The following CENPF variants were observed in gnomAD, a reference collection of about 807,000 sequenced individuals.
CENPF encodes centromere protein F.
Under a neutral mutation model 307.3 loss-of-function variants are expected in CENPF, and 214 were observed. The ratio of observed to expected loss-of-function variants is 0.70; its 90% CI spans 0.62 to 0.78. The LOEUF is 0.78. CENPF is among the 30% of genes least tolerant of loss of function. The pLI, the probability that CENPF is intolerant of heterozygous loss-of-function variation, is 0.00. For missense variants in CENPF, 3,401 were observed against 3,483.9 expected (o/e 0.98, Z 0.60); for synonymous variants, 1,259 against 1,270.6 (o/e 0.99, Z 0.19).
chr1:214,624,021 A>G (rs1262837832), intron 7 of CENPF, among the ~76,000 whole-genome samples: 1 of 143,310 alleles, frequency 7.0e-6, no homozygotes, highest in Non-Finnish European at 1.6e-5. Context: ...TTTTAAGATA[A>G]TCGTAGATTC....
chr1:214,615,940 C>T (rs1240470251), intron 3 of CENPF, among the ~76,000 whole-genome samples: 1 of 151,966 alleles, frequency 6.6e-6, no homozygotes, highest in Non-Finnish European at 1.5e-5. Flanking sequence ...TTCTTCTTAT[C>T]TAGTAGACTA....
rs1237766080 is a variant in CENPF at position 214,616,834 on chromosome 1, CCTCTTTCT to C, written c.360-1738_360-1731del. Among the ~76,000 whole-genome samples the C allele has an allele frequency of 1.6e-3, 224 of 143,798 alleles. 4 individuals carry two copies. Among genetic ancestry groups the C allele is most frequent in the African/African-American group, 5.5e-3 (205 of 37,110 alleles). The allele number at this position is 143,798 out of a possible 152,430, so 94.3% of individuals were successfully genotyped here. ...TCCTTCCTTCCTTCTTTCCTTCCTT[CCTCTTTCT>C]TTCTTTCTTTCTTTCTTTCTTTCTT... is the stretch of plus-strand genomic sequence containing the variant. On this transcript the variant is annotated intron_variant, in intron 3 of 19. Transcript: ENST00000366955.
At chr1:214,620,991 A>G in intron 6 of CENPF, 45 bp downstream of exon 6, 1 of 1,527,872 alleles carries the variant, frequency 6.5e-7, no homozygotes. Context: ...TGCTTGAGGT[A>G]ATTTCACAGG....
chr1:214,647,546 T>G, intron 13 of CENPF, 146 bp downstream of exon 13: 1 of 906,978 alleles, frequency 1.1e-6, no homozygotes, highest in African/African-American at 1.7e-5. Context: ...GTTTACTGGG[T>G]CTTGAATTGC....
At chr1:214,652,720 G>A in intron 15 of CENPF, 108 bp from the exon 16 acceptor site, 2 of 924,774 alleles carry the variant, frequency 2.2e-6, no homozygotes, top group Non-Finnish European at 3.2e-6. Flanking sequence ...TGGGATTACA[G>A]GTGTGAAACA....
Position 214,646,458 on chromosome 1 carries a change from G to C in CENPF, c.6888G>C (p.Glu2296Asp). ...EQSLDPPIEEEHQLRNSIEKL... is the reference protein window; with the variant it reads ...EQSLDPPIEEDHQLRNSIEKL... The stretch of plus-strand genomic sequence containing the variant: ...GTCTAGACCCACCAATAGAGGAAGA[G>C]CATCAGCTGAGAAATAGCATTGAAA... Residue 2296 changes from glutamate to aspartate, a missense_variant, in exon 13 of 20, where the codon GAG becomes GAC. Transcript: ENST00000366955. 1 of 1,614,090 alleles carries C rather than the reference G, an allele frequency of 6.2e-7. No individual in the cohort carries two copies. The highest frequency in any genetic ancestry group is 8.5e-7 in the Non-Finnish European group (1 of 1,180,006).
At chr1:214,637,754 C>A in intron 10 of CENPF, 112 bp from the exon 11 acceptor site, 2 of 1,021,688 alleles carry the variant, frequency 2.0e-6, no homozygotes, top group Non-Finnish European at 2.8e-6. Context: ...AATTGTGATT[C>A]TTTCCCTAGT....
In CENPF at chr1:214,645,533, C is replaced by T. The variant is rs1201916773; in HGVS notation, c.5963C>T (p.Thr1988Ile). ...TTGTCTGAAAAAATGAAGGAGAAAA[C>T]ACAAGAGCTTGAGTCTCATCAAAGT... ...DQLSEKMKEK[T>I]QELESHQSEC... is the part of the protein sequence containing the mutation. Residue 1988 changes from threonine to isoleucine, a missense_variant, in exon 13 of 20, where the codon ACA becomes ATA. Thr to Ile is a moderately conservative substitution (Grantham distance 89). Coordinates refer to ENST00000366955, the MANE Select transcript of CENPF (RefSeq NM_016343.4). The T allele has an allele frequency of 3.1e-6, 5 of 1,614,058 alleles. No individual in the cohort carries two copies. Among genetic ancestry groups the T allele is most frequent in the Non-Finnish European group, 4.2e-6 (5 of 1,180,006 alleles).
rs749707391 is a variant in CENPF at position 214,613,886 on chromosome 1, C to T, written c.132C>T (p.Leu44=). Residue 44 remains leucine (L), a synonymous_variant, in exon 2 of 20, where the codon CTC becomes CTT. Coordinates refer to ENST00000366955, the MANE Select transcript of CENPF (RefSeq NM_016343.4). ...AAAGGCAGTTTCAGCTTGACAGTCTCGAGGCTGCGCTGCAGAAGCAAAAAC... is the reference window on the plus strand; with the variant it reads ...AAAGGCAGTTTCAGCTTGACAGTCTTGAGGCTGCGCTGCAGAAGCAAAAAC... ...KQQRQFQLDS[L]EAALQKQKQK... The T allele has an allele frequency of 3.1e-5, 50 of 1,612,522 alleles. No homozygotes were observed. The highest frequency in any genetic ancestry group is 1.0e-4 in the Admixed American group (6 of 59,666).
chr1:214,630,846 T>TG (rs1463223798), intron 9 of CENPF, among the ~76,000 whole-genome samples, 184 bp downstream of exon 9: 1 of 152,176 alleles, frequency 6.6e-6, no homozygotes, highest in Non-Finnish European at 1.5e-5. Flanking sequence ...AGAGAAACAG[T>TG]GGGGGTGAGT....
intron 10 of CENPF, among the ~76,000 whole-genome samples, chr1:214,637,036 T>C (rs1464100606): frequency 6.6e-6 from 1 of 152,236 alleles, no homozygotes; most frequent in African/African-American, 2.4e-5. Flanking sequence ...TAGGCCTCCC[T>C]AGTAGTAGAA....
At position 214,647,316 on chromosome 1, in the gene CENPF, A is replaced by C. The variant is rs763587139; in HGVS notation, c.7746A>C (p.Thr2582=). 29 of 1,613,914 alleles carry C rather than the reference A, an allele frequency of 1.8e-5. No homozygotes were observed. The highest frequency in any genetic ancestry group is 2.5e-5 in the Non-Finnish European group (29 of 1,179,942). Residue 2582 remains threonine (T), a synonymous_variant, in exon 13 of 20, where the codon ACA becomes ACC. Transcript: ENST00000366955. ...CCAAAAATGCCTCTTTGCAGGACAC[A>C]TTAGAAGTGCTGCAGAGTTCTTACA... The part of the protein sequence containing the change: ...LQSKNASLQD[T]LEVLQSSYKN...
Position 214,646,099 on chromosome 1 carries a change from G to T in CENPF, c.6529G>T (p.Ala2177Ser). Residue 2177 changes from alanine (A) to serine (S), a missense_variant, in exon 13 of 20, where the codon GCC becomes TCC. Coordinates refer to ENST00000366955, the MANE Select transcript of CENPF (RefSeq NM_016343.4). ...EENQELVILD[A>S]ENSKAEVETL... ...AAACCAGGAGCTAGTGATTCTTGAT[G>T]CCGAGAATTCCAAAGCAGAAGTAGA... 1 of 1,614,068 alleles carries T rather than the reference G, an allele frequency of 6.2e-7. No homozygotes were observed. The highest frequency in any genetic ancestry group is 8.5e-7 in the Non-Finnish European group (1 of 1,180,030).
Position 214,643,213 on chromosome 1 carries a change from GGCA to G in CENPF, c.4877_4879del (p.Ala1626del). The G allele has an allele frequency of 1.1e-5, 17 of 1,603,194 alleles. No homozygotes were observed. Among genetic ancestry groups the G allele is most frequent in the Non-Finnish European group, 1.4e-5 (17 of 1,176,554 alleles). On this transcript the variant is annotated inframe_deletion, in exon 12 of 20. Transcript: ENST00000366955. ...CTCTGGAGATGGAGTCCAAGTTGGC[GGCA>G]GAAAAGAAACAGACGGAACAACTGT...
At position 214,647,300 on chromosome 1, in the gene CENPF, C is replaced by T. The variant is rs1161604854; in HGVS notation, c.7730C>T (p.Ala2577Val). Residue 2577 changes from alanine to valine, a missense_variant, in exon 13 of 20, where the codon GCC (alanine) becomes GTC (valine). Transcript: ENST00000366955. ...QKIQVLQSKN[A>V]SLQDTLEVLQ... ...ATCCAAGTGCTACAATCCAAAAATGCCTCTTTGCAGGACACATTAGAAGTG... is the reference window on the plus strand; with the variant it reads ...ATCCAAGTGCTACAATCCAAAAATGTCTCTTTGCAGGACACATTAGAAGTG... 3 of 1,613,892 alleles carry T rather than the reference C, an allele frequency of 1.9e-6. No homozygotes were observed. The highest frequency in any genetic ancestry group is 1.7e-5 in the Admixed American group (1 of 59,990).
intron 8 of CENPF, among the ~76,000 whole-genome samples, chr1:214,630,111 T>C (rs546376878): frequency 1.3e-5 from 2 of 152,216 alleles, no homozygotes; most frequent in South Asian, 2.1e-4. Flanking sequence ...ATATTTCCTG[T>C]CCTTCTACAT....
At position 214,620,319 on chromosome 1, in the gene CENPF, A is replaced by T. The variant is rs370215081; in HGVS notation, c.574-336A>T. On this transcript the variant is annotated intron_variant, in intron 5 of 19. Coordinates refer to ENST00000366955, the MANE Select transcript of CENPF (RefSeq NM_016343.4). Reference sequence around the variant, plus strand: ...GGAGGTAACCAAGGACAGGCAAAGAAAAGCCAGTTTTGGAATTCAGAATGA... The same window carrying T: ...GGAGGTAACCAAGGACAGGCAAAGATAAGCCAGTTTTGGAATTCAGAATGA... Among the ~76,000 whole-genome samples the T allele has an allele frequency of 4.1e-4, 62 of 152,348 alleles. 1 individual carries two copies. In the South Asian group the frequency reaches 5.2e-3, roughly 13 times the overall value.
At chr1:214,656,721 G>T (rs929551829) in intron 17 of CENPF, among the ~76,000 whole-genome samples, 1 of 152,148 alleles carries the variant, frequency 6.6e-6, no homozygotes, top group Non-Finnish European at 1.5e-5. Flanking sequence ...CTGTCCCAAT[G>T]AGTGTCACAG....
chr1:214,656,226 G>T (rs2102418091), intron 17 of CENPF, among the ~76,000 whole-genome samples: 1 of 152,300 alleles, frequency 6.6e-6, no homozygotes, highest in South Asian at 2.1e-4. Flanking sequence ...GGAGTGGCAT[G>T]TGCTTACCGT....
Sources: gnomAD v4.1 joint callset for allele counts (sites outside exome capture counted in the v4.1 genomes callset) on GRCh38, gnomAD v4.1.1 for gene constraint, MANE v1.5 for transcripts, NCBI Gene and HGNC (gene_info 2026-07-23, HGNC 2026-07-21) for gene names.